CRISPLD2: variants seen among roughly 807,000 people sequenced by gnomAD.
The protein encoded by CRISPLD2 is cysteine rich secretory protein LCCL domain containing 2, also known as cysteine-rich secretory protein LCCL domain-containing 2.
In CRISPLD2, 47 loss-of-function variants were observed where a neutral mutation model predicts 71.1. The observed-to-expected ratio is 0.66, with a 90% CI of 0.52 to 0.84. CRISPLD2 has a LOEUF of 0.84. Ranked by LOEUF, CRISPLD2 falls within the 40% of genes least tolerant of loss-of-function variation. CRISPLD2 has a pLI of 0.00. For missense variants in CRISPLD2, 830 were observed against 651.1 expected (o/e 1.27, Z -2.99); for synonymous variants, 317 against 250.1 (o/e 1.27, Z -2.52).
At chr16:84,855,837 C>G (rs1415671490) in intron 6 of CRISPLD2, among the ~76,000 whole-genome samples, 1 of 152,116 alleles carries the variant, frequency 6.6e-6, no homozygotes, top group Non-Finnish European at 1.5e-5. Context: ...AATCCCCAAC[C>G]CAAATACTAT....
chr16:84,835,388 G>T (rs576333868), intron 1 of CRISPLD2, among the ~76,000 whole-genome samples: 1 of 152,228 alleles, frequency 6.6e-6, no homozygotes, highest in South Asian at 2.1e-4. Flanking sequence ...CCCGGCCTAT[G>T]GTTACTTTTC....
intron 2 of CRISPLD2, 101 bp from the exon 3 acceptor site, chr16:84,845,685 T>TAGG: frequency 1.2e-6 from 1 of 801,650 alleles, no homozygotes; most frequent in Non-Finnish European, 2.1e-6. Flanking sequence ...GCATTGGCTG[T>TAGG]AGGCTCCACA....
chr16:84,893,952 A>G (rs1243718057), intron 14 of CRISPLD2, among the ~76,000 whole-genome samples: 1 of 152,200 alleles, frequency 6.6e-6, no homozygotes, highest in Non-Finnish European at 1.5e-5. Flanking sequence ...TAGATGTTGT[A>G]TATACTGTGA....
In CRISPLD2 at chr16:84,834,447, C is replaced by A. The variant is rs971694898; in HGVS notation, c.-74-3975C>A. On this transcript the variant is annotated intron_variant, in intron 1 of 14. Coordinates refer to ENST00000262424, the MANE Select transcript of CRISPLD2 (RefSeq NM_031476.4). ...AATGGGCAGTGTGGGCCAGGGCTGCCGGGCACTGCCCCTGTGAACTGGGCC... is the reference window on the plus strand; with the variant it reads ...AATGGGCAGTGTGGGCCAGGGCTGCAGGGCACTGCCCCTGTGAACTGGGCC... 5.3e-5 allele frequency among the ~76,000 whole-genome samples: 8 copies of A among 152,334 alleles called. No individual in the cohort carries two copies. In the South Asian group the frequency reaches 1.0e-3, roughly 20 times the overall value.
chr16:84,829,474 G>C (rs1236432521), intron 1 of CRISPLD2, among the ~76,000 whole-genome samples: 1 of 152,154 alleles, frequency 6.6e-6, no homozygotes, highest in Non-Finnish European at 1.5e-5. Context: ...GTGGTTTGTG[G>C]GTATGACTCT....
Position 84,840,947 on chromosome 16 carries a change from G to A in CRISPLD2, c.240+2212G>A, listed in dbSNP as rs890794588. Reference sequence around the variant, plus strand: ...TTCTATGTATTTTTGAGTGCCTCCCGTGTGCCCAGCACCCCGTGAGATTCT... The same window carrying A: ...TTCTATGTATTTTTGAGTGCCTCCCATGTGCCCAGCACCCCGTGAGATTCT... On this transcript the variant is annotated intron_variant, in intron 2 of 14. Coordinates refer to ENST00000262424, the MANE Select transcript of CRISPLD2 (RefSeq NM_031476.4). Among the ~76,000 whole-genome samples the A allele has an allele frequency of 2.0e-5, 3 of 152,074 alleles. No individual in the cohort carries two copies. In the East Asian group the frequency reaches 5.8e-4, roughly 29 times the overall value.
chr16:84,895,296 C>T (rs1045575480), intron 14 of CRISPLD2, among the ~76,000 whole-genome samples: 1 of 152,234 alleles, frequency 6.6e-6, no homozygotes, highest in African/African-American at 2.4e-5. Flanking sequence ...AAGCAGCACT[C>T]ATGACTTCCT....
intron 3 of CRISPLD2, 38 bp downstream of exon 3, chr16:84,845,942 C>G (rs754359245): frequency 8.7e-6 from 12 of 1,384,978 alleles, no homozygotes; most frequent in Non-Finnish European, 1.1e-5. Context: ...GCCGCAGGAC[C>G]CCACTGCCGT....
intron 5 of CRISPLD2, 92 bp from the exon 6 acceptor site, chr16:84,854,637 G>A: frequency 1.1e-6 from 1 of 891,042 alleles, no homozygotes. Context: ...CAGTGGCGGT[G>A]TTCAGGGACT....
chr16:84,856,282 A>G (rs1296793745), intron 6 of CRISPLD2, among the ~76,000 whole-genome samples: 3 of 151,908 alleles, frequency 2.0e-5, no homozygotes, highest in Admixed American at 2.0e-4. Flanking sequence ...TTCCACGCAT[A>G]CTCTTCCTTA....
intron 2 of CRISPLD2, 22 bp downstream of exon 2, chr16:84,838,757 A>G: frequency 1.2e-6 from 2 of 1,601,932 alleles, no homozygotes; most frequent in Non-Finnish European, 1.7e-6. Flanking sequence ...CTCCGGCCGC[A>G]GAGGCTGGCA....
rs148253727 is a variant in CRISPLD2 at position 84,820,776 on chromosome 16, G to T, written c.-75+643G>T. Among the ~76,000 whole-genome samples the T allele has an allele frequency of 1.1e-4, 16 of 152,278 alleles. No homozygotes were observed. In the East Asian group the frequency reaches 3.1e-3, roughly 29 times the overall value. ...CTTGGGGCCATGTCAGGGTTCTGCAGTCTGGGGGAACACGTTTCTGGGTTT... is the reference window on the plus strand; with the variant it reads ...CTTGGGGCCATGTCAGGGTTCTGCATTCTGGGGGAACACGTTTCTGGGTTT... On this transcript the variant is annotated intron_variant, in intron 1 of 14. Coordinates refer to ENST00000262424, the MANE Select transcript of CRISPLD2 (RefSeq NM_031476.4).
chr16:84,859,285 T>G (rs1917321544), intron 6 of CRISPLD2, among the ~76,000 whole-genome samples: 1 of 152,130 alleles, frequency 6.6e-6, no homozygotes, highest in African/African-American at 2.4e-5. Context: ...GAGCTAAAAC[T>G]CCATTAATTA....
intron 5 of CRISPLD2, 118 bp from the exon 6 acceptor site, chr16:84,854,611 T>C (rs1008219392): frequency 4.1e-6 from 3 of 739,186 alleles, no homozygotes; most frequent in South Asian, 3.2e-5. Context: ...GCACACAACC[T>C]TCCCCCCTGA....
chr16:84,829,938 G>C (rs1916446551), intron 1 of CRISPLD2, among the ~76,000 whole-genome samples: 7 of 152,200 alleles, frequency 4.6e-5, no homozygotes, highest in Admixed American at 4.6e-4. Flanking sequence ...ATTTGCTGGG[G>C]GCATAAAGTT....
At chr16:84,895,711 C>T (rs192900922) in intron 14 of CRISPLD2, among the ~76,000 whole-genome samples, 5 of 152,316 alleles carry the variant, frequency 3.3e-5, no homozygotes, top group South Asian at 2.1e-4. Flanking sequence ...ACCCAGCCTG[C>T]GTTGCCCACA....
intron 3 of CRISPLD2, among the ~76,000 whole-genome samples, chr16:84,849,018 A>G (rs977178207): frequency 6.6e-5 from 10 of 151,846 alleles, no homozygotes; most frequent in Admixed American, 5.9e-4. Flanking sequence ...GGACTCATTA[A>G]GAGCCAGGTG....
chr16:84,836,249 A>G (rs1307594792), intron 1 of CRISPLD2: 1 of 152,176 alleles, frequency 6.6e-6, no homozygotes, highest in Non-Finnish European at 1.5e-5. Flanking sequence ...CACCAGGAGG[A>G]CACCCCGTGA....
chr16:84,892,280 G>A (rs1166128001), intron 14 of CRISPLD2, among the ~76,000 whole-genome samples: 5 of 152,326 alleles, frequency 3.3e-5, no homozygotes, highest in African/African-American at 9.6e-5. Flanking sequence ...AGCAGCCTGC[G>A]TCTGAGCAGG....
Sources: gnomAD v4.1 joint callset for allele counts (sites outside exome capture counted in the v4.1 genomes callset) on GRCh38, gnomAD v4.1.1 for gene constraint, MANE v1.5 for transcripts, NCBI Gene and HGNC (gene_info 2026-07-23, HGNC 2026-07-21) for gene names.